The following C4orf51 variants were observed in gnomAD, a reference collection of about 807,000 sequenced individuals.
C4orf51 encodes the protein chromosome 4 open reading frame 51.
A neutral mutation model predicts 25.2 loss-of-function variants in C4orf51; 25 were observed. The observed-to-expected ratio is 0.99, with a 90% CI of 0.72 to 1.39. C4orf51 has a LOEUF of 1.39. C4orf51 is among the 40% of genes most tolerant of loss of function. The pLI is 0.00. For synonymous variants in C4orf51, 100 were observed against 84.5 expected, an observed-to-expected ratio of 1.18 and a Z score of -1.01; for missense variants, 252 against 239.6, an observed-to-expected ratio of 1.05 and a Z score of -0.34.
intron 2 of C4orf51, among the ~76,000 whole-genome samples, chr4:145,700,595 G>A (rs1730370346): frequency 1.3e-5 from 2 of 152,140 alleles, no homozygotes; most frequent in South Asian, 2.1e-4. Flanking sequence ...AATTCTTGTC[G>A]TAAAATAGGC....
chr4:145,738,105 T>C (rs1223302601), intron 1 of C4orf51, among the ~76,000 whole-genome samples: 1 of 152,114 alleles, frequency 6.6e-6, no homozygotes, highest in African/African-American at 2.4e-5. Context: ...ACATCCTTGA[T>C]AGAGAAAAAT....
Position 145,765,516 on chromosome 4 carries a change from T to A in C4orf51, n.167-5472T>A. On this transcript the variant is annotated intron_variant and non_coding_transcript_variant, in intron 1 of 1. Transcript: ENST00000510096. This position sits in a 1 kb window ranked among gnomAD's most constrained non-coding sequence, Gnocchi z 4.7. ...AATGGGTCATCCTGGGTGCGGAGGGTTGAGCAGGCTCACACCCACCTCCTC... is the reference window on the plus strand; with the variant it reads ...AATGGGTCATCCTGGGTGCGGAGGGATGAGCAGGCTCACACCCACCTCCTC... 4 of 1,584,722 alleles carry A rather than the reference T, an allele frequency of 2.5e-6. No individual in the cohort carries two copies. Among genetic ancestry groups the A allele is most frequent in the Non-Finnish European group, 3.4e-6 (4 of 1,165,996 alleles).
At chr4:145,703,106 C>A (rs1730565337) in intron 2 of C4orf51, among the ~76,000 whole-genome samples, 1 of 151,798 alleles carries the variant, frequency 6.6e-6, no homozygotes, top group Non-Finnish European at 1.5e-5. Context: ...GTGACTTGCA[C>A]ATATATGCCC....
At chr4:145,788,144 C>G in the C4orf51 span, among the ~76,000 whole-genome samples, 1 of 152,096 alleles carries the variant, frequency 6.6e-6, no homozygotes, top group African/African-American at 2.4e-5. Flanking sequence ...AAAATCATCC[C>G]AGGAAAACTG....
chr4:145,770,922 A>G (rs1319921452), intron 1 of C4orf51: 2 of 152,252 alleles, frequency 1.3e-5, no homozygotes, highest in African/African-American at 4.8e-5. Flanking sequence ...GGCAACAGCA[A>G]TGTGAGTACC....
chr4:145,741,428 T>C (rs1325560231), intron 1 of C4orf51, among the ~76,000 whole-genome samples: 1 of 152,176 alleles, frequency 6.6e-6, no homozygotes, highest in East Asian at 1.9e-4. Context: ...CCTGTGGATA[T>C]TTGGCTAACA....
chr4:145,779,025 A>C, the C4orf51 span, among the ~76,000 whole-genome samples: 1 of 152,152 alleles, frequency 6.6e-6, no homozygotes, highest in Admixed American at 6.5e-5. Flanking sequence ...GGCTGCTCCC[A>C]CCCACAACAA....
At chr4:145,704,879 C>T (rs1730693822) in intron 2 of C4orf51, among the ~76,000 whole-genome samples, 1 of 152,154 alleles carries the variant, frequency 6.6e-6, no homozygotes, top group African/African-American at 2.4e-5. Flanking sequence ...GTAAAGCACA[C>T]TTGGAAGAGG....
chr4:145,696,166 G>A (rs1156477861), intron 1 of C4orf51, among the ~76,000 whole-genome samples: 2 of 152,150 alleles, frequency 1.3e-5, no homozygotes, highest in East Asian at 3.8e-4. Context: ...GGAGGCTGAG[G>A]CAGGAGAATC....
At position 145,761,450 on chromosome 4, in the gene C4orf51, G is replaced by A; in HGVS notation, n.167-9538G>A. ...TGGTCGCACTTGTAGTGGTTGCCCA[G>A]GCGGTGCTCCCGGGTGTGCGTCTCC... is the stretch of plus-strand genomic sequence containing the variant. On this transcript the variant is annotated intron_variant and non_coding_transcript_variant, in intron 1 of 1. Transcript: ENST00000510096. This position sits in a 1 kb window ranked among gnomAD's most constrained non-coding sequence, Gnocchi z 6.8. 1 of 1,289,868 alleles carries A rather than the reference G, an allele frequency of 7.8e-7. No homozygotes were observed. The highest frequency in any genetic ancestry group is 1.0e-6 in the Non-Finnish European group (1 of 988,866). 79.9% of individuals were successfully genotyped at this position (1,289,868 alleles called of 1,614,324 possible).
chr4:145,772,893 G>A (rs991156566), downstream of C4orf51, among the ~76,000 whole-genome samples: 10 of 152,180 alleles, frequency 6.6e-5, no homozygotes, highest in Admixed American at 2.0e-4. Context: ...TGGTAATTAC[G>A]AGGTATGTGT....
At chr4:145,711,637 GT>G (rs1323156951) in intron 2 of C4orf51, among the ~76,000 whole-genome samples, 2 of 151,830 alleles carry the variant, frequency 1.3e-5, no homozygotes, top group African/African-American at 4.8e-5. Context: ...CTCTGATTGG[GT>G]AGTTTCAAAT....
Position 145,765,604 on chromosome 4 carries a change from T to A in C4orf51, n.167-5384T>A. On this transcript the variant is annotated intron_variant and non_coding_transcript_variant, in intron 1 of 1. Coordinates refer to the C4orf51 transcript ENST00000510096. This position sits in a 1 kb window ranked among gnomAD's most constrained non-coding sequence, Gnocchi z 4.7. ...GGCTGGCTCCCAGGCATGACAGAGA[T>A]GACCAGCAGATTGTTCCCGCCCTTG... 6.2e-7 allele frequency: 1 copy of A among 1,614,094 alleles called. No homozygotes were observed. Among genetic ancestry groups the A allele is most frequent in the Non-Finnish European group, 8.5e-7 (1 of 1,180,010 alleles).
At chr4:145,687,580 G>A (rs1323785873) in intron 1 of C4orf51, among the ~76,000 whole-genome samples, 1 of 152,122 alleles carries the variant, frequency 6.6e-6, no homozygotes, top group Non-Finnish European at 1.5e-5. Flanking sequence ...TTGCTTAGGG[G>A]GAACACAAAC....
chr4:145,753,141 TG>T lies in C4orf51; in HGVS notation n.168-1065del, dbSNP rs1733770667. The stretch of plus-strand genomic sequence containing the variant: ...TGATTTTTGGTCTTTATGAAGGTTT[TG>T]TGTGTGTGTGTGTGTGTGTGTGTGT... On this transcript the variant is annotated intron_variant and non_coding_transcript_variant, in intron 1 of 1. Coordinates refer to the C4orf51 transcript ENST00000508981. 1.0e-3 allele frequency among the ~76,000 whole-genome samples: 3 copies of T among 2,930 alleles called. No homozygotes were observed. In the South Asian group the frequency reaches 0.054, roughly 52 times the overall value. 1.9% of individuals were successfully genotyped at this position (2,930 alleles called of 152,430 possible).
At chr4:145,693,821 C>T (rs368665447) in intron 1 of C4orf51, among the ~76,000 whole-genome samples, 25 of 38,118 alleles carry the variant, frequency 6.6e-4, no homozygotes, top group South Asian at 1.4e-3. Context: ...CCGGACGGGG[C>T]GGCTGGCCGG....
chr4:145,731,289 A>G (rs948795094), intron 5 of C4orf51, among the ~76,000 whole-genome samples: 1 of 152,106 alleles, frequency 6.6e-6, no homozygotes, highest in Non-Finnish European at 1.5e-5. Flanking sequence ...TGTTCTGGGG[A>G]ACAGCTGCTT....
chr4:145,684,557 T>C (rs1729029543), intron 1 of C4orf51, among the ~76,000 whole-genome samples: 1 of 152,146 alleles, frequency 6.6e-6, no homozygotes, highest in Non-Finnish European at 1.5e-5. Flanking sequence ...TGAGATAACA[T>C]TACGCACCTA....
intron 1 of C4orf51, among the ~76,000 whole-genome samples, chr4:145,681,783 G>A (rs1389410075): frequency 6.6e-6 from 1 of 152,150 alleles, no homozygotes; most frequent in African/African-American, 2.4e-5. Context: ...GCCTCCTCTT[G>A]AGATAACTAA....
Sources: allele counts gnomAD v4.1 joint callset (sites outside exome capture counted in the v4.1 genomes callset), GRCh38; gene constraint gnomAD v4.1.1; non-coding constraint Gnocchi (gnomAD v3.1); transcripts MANE v1.5; gene names NCBI Gene and HGNC (gene_info 2026-07-23, HGNC 2026-07-21).